Variants in CLUAP1 observed in about 807,000 individuals in gnomAD.
CLUAP1 encodes the protein intraflagellar transport 38.
A neutral mutation model predicts 55.0 loss-of-function variants in CLUAP1; 50 were observed. That is an observed-to-expected ratio of 0.91 (90% CI 0.72 to 1.15). The LOEUF is 1.15. Among genes scored for constraint, CLUAP1 ranks in the 50% most tolerant of loss-of-function variants. The pLI is 0.00. For synonymous variants in CLUAP1, 195 were observed against 175.4 expected (o/e 1.11, Z -0.88); for missense variants, 530 against 507.6 (o/e 1.04, Z -0.42).
chr16:3,498,591 C>T (rs2151035269), upstream of CLUAP1, among the ~76,000 whole-genome samples: 1 of 152,228 alleles, frequency 6.6e-6, no homozygotes, highest in African/African-American at 2.4e-5. Flanking sequence ...GTCAGATCAC[C>T]TGAGGTCAAG....
In CLUAP1 at chr16:3,537,193, G is replaced by T. The variant is rs2038249760; in HGVS notation, c.*922G>T. 6.6e-6 allele frequency: 1 copy of T among 152,174 alleles called. No homozygotes were observed. Among genetic ancestry groups the T allele is most frequent in the African/African-American group, 2.4e-5 (1 of 41,436 alleles). The allele number at this position is 152,174 out of a possible 1,614,324, so 9.4% of individuals were successfully genotyped here. On this transcript the variant is annotated 3_prime_UTR_variant, in exon 12 of 12. Coordinates refer to ENST00000576634, the MANE Select transcript of CLUAP1 (RefSeq NM_015041.3). ...AGGTTTCCTGCAGCTCGCTACCTAA[G>T]TGTTTCTGTAGGGGAAGGAGCCAAT...
At chr16:3,518,342 T>C (rs2037768616) in intron 6 of CLUAP1, among the ~76,000 whole-genome samples, 1 of 152,242 alleles carries the variant, frequency 6.6e-6, no homozygotes, top group Admixed American at 6.5e-5. Flanking sequence ...ACAGGGTTCA[T>C]TTCTTGGTAG....
chr16:3,524,244 G>A (rs2037894926), intron 8 of CLUAP1, among the ~76,000 whole-genome samples: 1 of 151,772 alleles, frequency 6.6e-6, no homozygotes, highest in South Asian at 2.1e-4. Flanking sequence ...TGAAGTTGGA[G>A]TGAGCCATGA....
At chr16:3,533,440 C>G (rs540173174) in intron 11 of CLUAP1, 27 of 456,672 alleles carry the variant, frequency 5.9e-5, no homozygotes, top group South Asian at 5.9e-4. Flanking sequence ...GACCAACCCC[C>G]CTCCCTGTTC....
Position 3,536,324 on chromosome 16 carries a change from T to C in CLUAP1, c.*53T>C. ...TAAAACCCTCAGACTTGTAGGTAAATGGGAACTTAGAAGGTTAGGAAGGTA... is the reference window on the plus strand; with the variant it reads ...TAAAACCCTCAGACTTGTAGGTAAACGGGAACTTAGAAGGTTAGGAAGGTA... On this transcript the variant is annotated 3_prime_UTR_variant, in exon 12 of 12. Coordinates refer to ENST00000576634, the MANE Select transcript of CLUAP1 (RefSeq NM_015041.3). The C allele has an allele frequency of 1.9e-6, 3 of 1,586,942 alleles. No individual in the cohort carries two copies. The highest frequency in any genetic ancestry group is 2.6e-6 in the Non-Finnish European group (3 of 1,163,258).
rs1234940235 is a variant in CLUAP1, at chr16:3,536,888, C to A, written c.*617C>A. Reference sequence around the variant, plus strand: ...AAACTTGGTTTCTTTGAAAATCAGGCAATAGAGACAGGCTCCAGATGAGGA... The same window carrying A: ...AAACTTGGTTTCTTTGAAAATCAGGAAATAGAGACAGGCTCCAGATGAGGA... On this transcript the variant is annotated 3_prime_UTR_variant, in exon 12 of 12. Coordinates refer to ENST00000576634, the MANE Select transcript of CLUAP1 (RefSeq NM_015041.3). The A allele has an allele frequency of 6.6e-6, 1 of 152,240 alleles. No homozygotes were observed. The highest frequency in any genetic ancestry group is 1.5e-5 in the Non-Finnish European group (1 of 68,092). 9.4% of individuals were successfully genotyped at this position (152,240 alleles called of 1,614,324 possible). A position where few individuals can be genotyped will look rare whatever the true frequency, so the allele number is the denominator to read the frequency against.
intron 11 of CLUAP1, chr16:3,535,566 TTTTC>T (rs954829680): frequency 2.6e-5 from 4 of 152,524 alleles, no homozygotes; most frequent in Non-Finnish European, 5.8e-5. Context: ...TGCTCCCTTT[TTTTC>T]TTTTTTTTCT....
Position 3,521,287 on chromosome 16 carries a change from T to C in CLUAP1, c.713+1251T>C, listed in dbSNP as rs1376315721. On this transcript the variant is annotated intron_variant, in intron 7 of 11. Transcript: ENST00000576634. ...CAAATCATTTTAACAGAAAAGTCTC[T>C]TTGTTTTGCTCTAGTTCAAAAGATT... 6.6e-5 allele frequency among the ~76,000 whole-genome samples: 10 copies of C among 152,324 alleles called. No individual in the cohort carries two copies. In the East Asian group the frequency reaches 1.9e-3, roughly 29 times the overall value.
At position 3,519,955 on chromosome 16, in the gene CLUAP1, C is replaced by G. The variant is rs971031494; in HGVS notation, c.632C>G (p.Ala211Gly). ...CTCAATAATGTGGCCTCTGATGAAG[C>G]TAATTTAGAAGCCAAAATCGAAAAG... Reference protein sequence around the residue: ...DLLNNVASDEANLEAKIEKRK... With the variant: ...DLLNNVASDEGNLEAKIEKRK... Residue 211 changes from alanine (A) to glycine (G), a missense_variant, in exon 7 of 12, where the codon GCT (alanine) becomes GGT (glycine). Coordinates refer to ENST00000576634, the MANE Select transcript of CLUAP1 (RefSeq NM_015041.3). The G allele has an allele frequency of 1.2e-6, 2 of 1,613,334 alleles. No homozygotes were observed. Among genetic ancestry groups the G allele is most frequent in the South Asian group, 2.2e-5 (2 of 90,932 alleles).
At chr16:3,527,203 G>A (rs1481945782) in intron 9 of CLUAP1, among the ~76,000 whole-genome samples, 1 of 152,040 alleles carries the variant, frequency 6.6e-6, no homozygotes, top group Non-Finnish European at 1.5e-5. Flanking sequence ...AGTTATACTA[G>A]ATATAGATCA....
intron 11 of CLUAP1, chr16:3,533,203 T>C: frequency 6.8e-7 from 1 of 1,474,788 alleles, no homozygotes; most frequent in Non-Finnish European, 9.2e-7. Context: ...CTGTCAGCCC[T>C]CCCGGGGCCA....
At chr16:3,533,450 C>G in intron 11 of CLUAP1, 1 of 440,232 alleles carries the variant, frequency 2.3e-6, no homozygotes, top group South Asian at 2.5e-5. Context: ...CCTCCCTGTT[C>G]TGTGCTGGGG....
intron 4 of CLUAP1, 82 bp from the exon 5 acceptor site, chr16:3,512,301 G>C: frequency 9.5e-7 from 1 of 1,052,394 alleles, no homozygotes; most frequent in Admixed American, 1.7e-5. Flanking sequence ...TTAGAGAGCA[G>C]CCTGGGTAAC....
intron 2 of CLUAP1, among the ~76,000 whole-genome samples, chr16:3,506,007 C>G: frequency 6.6e-6 from 1 of 152,272 alleles, no homozygotes; most frequent in East Asian, 1.9e-4. Flanking sequence ...GCTGACTAAT[C>G]GGCCCTAGCA....
intron 11 of CLUAP1, chr16:3,533,986 GT>G (rs1440302824): frequency 1.3e-5 from 2 of 152,344 alleles, no homozygotes; most frequent in East Asian, 3.9e-4. Context: ...GTGGTCACTT[GT>G]TTATTTCAAG....
chr16:3,533,442 T>A lies in CLUAP1; in HGVS notation c.1092+601T>A, dbSNP rs1185860823. ...GGGCCGGGCTCAGGACCAACCCCCC[T>A]CCCTGTTCTGTGCTGGGGACGGAAT... On this transcript the variant is annotated intron_variant, in intron 11 of 11. Transcript: ENST00000576634. 10 of 450,700 alleles carry A rather than the reference T, an allele frequency of 2.2e-5. No individual in the cohort carries two copies. The Admixed American group carries it at 3.4e-4, about 15-fold the overall frequency. The allele number at this position is 450,700 out of a possible 1,614,324, so 27.9% of individuals were successfully genotyped here. A position where few individuals can be genotyped will look rare whatever the true frequency, so the allele number is the denominator to read the frequency against.
chr16:3,496,797 G>T, upstream of CLUAP1: 1 of 373,150 alleles, frequency 2.7e-6, no homozygotes, highest in South Asian at 2.2e-5. Context: ...GATTTTGGAT[G>T]CTGACAAAAA....
intron 9 of CLUAP1, among the ~76,000 whole-genome samples, chr16:3,529,714 A>ATTATTAT (rs1491217969): frequency 1.4e-4 from 5 of 35,828 alleles, no homozygotes; most frequent in Admixed American, 1.1e-3. Flanking sequence ...TATATTATAT[A>ATTATTAT]ATATTATATA....
intron 7 of CLUAP1, among the ~76,000 whole-genome samples, chr16:3,521,863 T>A (rs2037843815): frequency 6.6e-6 from 1 of 151,978 alleles, no homozygotes; most frequent in Admixed American, 6.6e-5. Flanking sequence ...AAGACCAGCC[T>A]GGGCAATATG....
Sources: gnomAD v4.1 joint callset for allele counts (sites outside exome capture counted in the v4.1 genomes callset) on GRCh38, gnomAD v4.1.1 for gene constraint, MANE v1.5 for transcripts, NCBI Gene and HGNC (gene_info 2026-07-23, HGNC 2026-07-21) for gene names.